Variants in RCC2 observed in about 807,000 individuals in gnomAD.
The protein encoded by RCC2 is protein RCC2.
A neutral mutation model predicts 64.1 loss-of-function variants in RCC2; 19 were observed. The observed-to-expected ratio is 0.30, with a 90% confidence interval of 0.21 to 0.44. The LOEUF is 0.44. Ranked by LOEUF, RCC2 falls within the 20% of genes least tolerant of loss-of-function variation. The pLI is 1.00. For synonymous variants in RCC2, 325 were observed against 279.6 expected, an observed-to-expected ratio of 1.16 and a Z score of -1.62; for missense variants, 508 against 710.4, an observed-to-expected ratio of 0.72 and a Z score of 3.24.
chr1:17,438,350 G>A lies in RCC2; in HGVS notation c.165C>T (p.Asp55=), dbSNP rs1276951412. Residue 55 remains aspartate, a synonymous_variant, in exon 2 of 13, where the codon GAC becomes GAT. Transcript: ENST00000375436. ...CGGGGGCCCCGTCGAGCTCCAGGCCGTCCTCGTCGCCGCTGCTGCCGCCGC... is the reference window on the plus strand; with the variant it reads ...CGGGGGCCCCGTCGAGCTCCAGGCCATCCTCGTCGCCGCTGCTGCCGCCGC... ...SSGGGSSGDE[D]GLELDGAPGG... 6 of 1,241,334 alleles carry A rather than the reference G, an allele frequency of 4.8e-6. No homozygotes were observed. The highest frequency in any genetic ancestry group is 6.0e-6 in the Non-Finnish European group (6 of 993,090). 76.9% of individuals were successfully genotyped at this position (1,241,334 alleles called of 1,614,324 possible).
Position 17,408,970 on chromosome 1 carries a change from A to G in RCC2, c.*120T>C, listed in dbSNP as rs375714392. On this transcript the variant is annotated 3_prime_UTR_variant, in exon 13 of 13. Transcript: ENST00000375436. ...AAACGGAACCTCAGGGAGTCTAAAC[A>G]AAAATGCACCTTCGGTCAACTTTTG... 7.3e-5 allele frequency: 58 copies of G among 795,390 alleles called. No homozygotes were observed. The highest frequency in any genetic ancestry group is 4.6e-4 in the East Asian group (19 of 41,040). The allele number at this position is 795,390 out of a possible 1,614,324, so 49.3% of individuals were successfully genotyped here.
At chr1:17,433,853 G>A (rs1369522053) in intron 2 of RCC2, among the ~76,000 whole-genome samples, 1 of 152,082 alleles carries the variant, frequency 6.6e-6, no homozygotes, top group Admixed American at 6.6e-5. Context: ...AGACCCCCGG[G>A]AACAATGCCG....
At chr1:17,425,401 G>A in intron 4 of RCC2, 140 bp downstream of exon 4, 1 of 838,402 alleles carries the variant, frequency 1.2e-6, no homozygotes, top group Non-Finnish European at 1.8e-6. Context: ...CTGGGAATTA[G>A]GAAAAAAGAC....
At chr1:17,419,183 C>T (rs1423590781) in intron 7 of RCC2, among the ~76,000 whole-genome samples, 1 of 152,092 alleles carries the variant, frequency 6.6e-6, no homozygotes, top group South Asian at 2.1e-4. Context: ...GGTGAAACCC[C>T]GTCTCTACTA....
At chr1:17,419,125 C>T (rs1207206706) in intron 7 of RCC2, among the ~76,000 whole-genome samples, 2 of 152,098 alleles carry the variant, frequency 1.3e-5, no homozygotes, top group African/African-American at 4.8e-5. Flanking sequence ...GAGGCCGAGG[C>T]GGGTAGATCA....
At position 17,438,325 on chromosome 1, in the gene RCC2, CG is replaced by C; in HGVS notation, c.189del (p.Gly64AlafsTer44). The C allele has an allele frequency of 1.9e-5, 24 of 1,242,634 alleles. No individual in the cohort carries two copies. The South Asian group carries it at 2.4e-4, about 12-fold the overall frequency. The allele number at this position is 1,242,634 out of a possible 1,614,324, so 77.0% of individuals were successfully genotyped here. Reference sequence around the variant, plus strand: ...GGCCGCGCCGCGCGCTTGCCCCCGCCGGGGGCCCCGTCGAGCTCCAGGCCGT... The same window carrying C: ...GGCCGCGCCGCGCGCTTGCCCCCGCCGGGGCCCCGTCGAGCTCCAGGCCGT... ...DEDGLELDGA[P>X]GGGKRAARPA... On this transcript the variant is annotated frameshift_variant, in exon 2 of 13. Transcript: ENST00000375436. LOFTEE classifies it high-confidence loss of function.
intron 2 of RCC2, among the ~76,000 whole-genome samples, chr1:17,434,199 T>C (rs1041538808): frequency 6.6e-6 from 1 of 152,220 alleles, no homozygotes; most frequent in Non-Finnish European, 1.5e-5. Flanking sequence ...GCAATGTCTT[T>C]TTGTATGCTA....
intron 2 of RCC2, among the ~76,000 whole-genome samples, chr1:17,429,711 C>T (rs1193798355): frequency 1.3e-5 from 2 of 152,178 alleles, no homozygotes; most frequent in Non-Finnish European, 2.9e-5. Flanking sequence ...GAACAAGGTT[C>T]GATTTCTCCA....
chr1:17,409,537 C>T (rs1265115806), intron 12 of RCC2, among the ~76,000 whole-genome samples: 2 of 152,266 alleles, frequency 1.3e-5, no homozygotes, highest in South Asian at 2.1e-4. Context: ...TGCACCACCC[C>T]TCTCTGTGTC....
intron 8 of RCC2, among the ~76,000 whole-genome samples, chr1:17,415,091 T>C (rs1570176854): frequency 6.6e-6 from 1 of 152,254 alleles, no homozygotes; most frequent in Admixed American, 6.5e-5. Flanking sequence ...GTCTAAACCA[T>C]GGGAATCTAC....
At chr1:17,414,869 C>T (rs928694762) in intron 8 of RCC2, among the ~76,000 whole-genome samples, 1 of 152,092 alleles carries the variant, frequency 6.6e-6, no homozygotes, top group African/African-American at 2.4e-5. Flanking sequence ...ATCTGCCCAC[C>T]TTGGCCTCCC....
chr1:17,413,558 A>T lies in RCC2; in HGVS notation c.1186T>A (p.Ser396Thr). Reference sequence around the variant, plus strand: ...TAACCCACTTCACTGACAGCAAAGGAGCAGGTGTAACCAGCATAGATCTGG... The same window carrying T: ...TAACCCACTTCACTGACAGCAAAGGTGCAGGTGTAACCAGCATAGATCTGG... Reference protein sequence around the residue: ...ASQIYAGYTCSFAVSEVGGLF... With the variant: ...ASQIYAGYTCTFAVSEVGGLF... The change falls in exon 9 of 13, where the codon TCC (serine) becomes ACC (threonine). Residue 396 changes from serine to threonine, a missense_variant. This residue lies in a region of RCC2 where 179 missense variants were observed against 322.0 expected (regional missense o/e 0.56). Coordinates refer to ENST00000375436, the MANE Select transcript of RCC2 (RefSeq NM_018715.4). The T allele has an allele frequency of 6.2e-7, 1 of 1,614,054 alleles. No individual in the cohort carries two copies. Among genetic ancestry groups the T allele is most frequent in the Non-Finnish European group, 8.5e-7 (1 of 1,179,910 alleles).
At chr1:17,437,894 G>T (rs966830393) in intron 2 of RCC2, among the ~76,000 whole-genome samples, 1 of 145,636 alleles carries the variant, frequency 6.9e-6, no homozygotes, top group African/African-American at 2.5e-5. Flanking sequence ...CGGGGCGGGG[G>T]GGGAGGGGCG....
At chr1:17,418,586 G>C (rs543076364) in intron 7 of RCC2, among the ~76,000 whole-genome samples, 2 of 152,064 alleles carry the variant, frequency 1.3e-5, no homozygotes, top group Non-Finnish European at 2.9e-5. Context: ...GAACCCGGGA[G>C]GCGGAGGGTG....
intron 5 of RCC2, 131 bp downstream of exon 5, chr1:17,422,574 G>T: frequency 8.0e-7 from 1 of 1,252,184 alleles, no homozygotes; most frequent in Non-Finnish European, 1.1e-6. Context: ...CCATGCCAAG[G>T]TTCTCAGGGC....
chr1:17,413,191 A>G lies in RCC2; in HGVS notation c.1208-13T>C. On this transcript the variant is annotated splice_polypyrimidine_tract_variant and intron_variant, in intron 9 of 12. Transcript: ENST00000375436. ...AAAAACAGACCACCTAAGGGAAGAC[A>G]AAACATGTTCCCAGCGTGACCAGAC... 6.3e-7 allele frequency: 1 copy of G among 1,575,406 alleles called. No homozygotes were observed. The highest frequency in any genetic ancestry group is 8.7e-7 in the Non-Finnish European group (1 of 1,145,488).
At chr1:17,423,465 C>A (rs2075578548) in intron 4 of RCC2, among the ~76,000 whole-genome samples, 1 of 152,228 alleles carries the variant, frequency 6.6e-6, no homozygotes, top group Non-Finnish European at 1.5e-5. Flanking sequence ...CCCAGCCCCA[C>A]CTCCAGGACT....
chr1:17,436,888 G>A (rs571039752), intron 2 of RCC2, among the ~76,000 whole-genome samples: 1 of 152,222 alleles, frequency 6.6e-6, no homozygotes, highest in African/African-American at 2.4e-5. Context: ...AAGGAAAACA[G>A]TTCCTGTGTT....
rs182178127 is a variant in RCC2, at chr1:17,428,440, C to T, written c.379+666G>A. On this transcript the variant is annotated intron_variant, in intron 3 of 12. Transcript: ENST00000375436. The stretch of plus-strand genomic sequence containing the variant: ...ACGCCCCTGTTTTAAGGTGCCAAGA[C>T]GAGCCAGCGTGCAAATATTTGTTCA... Among the ~76,000 whole-genome samples the T allele has an allele frequency of 8.1e-4, 124 of 152,272 alleles. 1 individual carries two copies. Among genetic ancestry groups the T allele is most frequent in the African/African-American group, 2.8e-3 (115 of 41,560 alleles).
Sources: gnomAD v4.1 joint callset for allele counts (sites outside exome capture counted in the v4.1 genomes callset) on GRCh38, gnomAD v4.1.1 for gene constraint, gnomAD v4.1.1 regional missense constraint, MANE v1.5 for transcripts, NCBI Gene and HGNC (gene_info 2026-07-23, HGNC 2026-07-21) for gene names.